The following CCDC6 variants were observed in gnomAD, a reference collection of about 807,000 sequenced individuals.
CCDC6 encodes coiled-coil domain containing 6.
A neutral mutation model predicts 56.6 loss-of-function variants in CCDC6; 20 were observed. That is an observed-to-expected ratio of 0.35 (90% CI 0.25 to 0.51). CCDC6 has a LOEUF of 0.51. Among genes scored for constraint, CCDC6 ranks in the 20% least tolerant of loss-of-function variants. CCDC6 has a pLI of 0.95. For missense variants in CCDC6, 367 were observed against 601.1 expected (o/e 0.61, Z 4.07); for synonymous variants, 241 against 234.4 (o/e 1.03, Z -0.26).
intron 2 of CCDC6, among the ~76,000 whole-genome samples, chr10:59,837,627 T>A (rs12247565): frequency 0.11 from 16,006 of 150,922 alleles, 1,796 homozygotes; most frequent in African/African-American, 0.28. Flanking sequence ...GTGCCTGTAG[T>A]CCCAGCTACT....
chr10:59,814,601 C>T, intron 4 of CCDC6, 51 bp downstream of exon 4: 1 of 377,488 alleles, frequency 2.6e-6, no homozygotes, highest in South Asian at 5.0e-5. Context: ...AGAGCAGCAA[C>T]ACACACACAC....
chr10:59,859,533 T>C (rs952333071), intron 1 of CCDC6, among the ~76,000 whole-genome samples: 3 of 152,220 alleles, frequency 2.0e-5, no homozygotes, highest in African/African-American at 7.2e-5. Flanking sequence ...TTTAGATTCA[T>C]CTTGGGTTTT....
chr10:59,828,950 T>C (rs1342903507), intron 3 of CCDC6, among the ~76,000 whole-genome samples: 1 of 152,204 alleles, frequency 6.6e-6, no homozygotes, highest in Non-Finnish European at 1.5e-5. Context: ...ATTATAATAC[T>C]GCAAAACACC....
intron 7 of CCDC6, 50 bp from the exon 8 acceptor site, chr10:59,794,647 G>GTCTTCAACTA: frequency 1.9e-6 from 3 of 1,558,464 alleles, no homozygotes; most frequent in Non-Finnish European, 2.6e-6. Flanking sequence ...ACTATCTGGT[G>GTCTTCAACTA]TCTTCAACTA....
chr10:59,792,690 G>C lies in CCDC6; in HGVS notation c.*227C>G. 1 of 756,942 alleles carries C rather than the reference G, an allele frequency of 1.3e-6. No individual in the cohort carries two copies. Among genetic ancestry groups the C allele is most frequent in the Middle Eastern group, 2.3e-4 (1 of 4,386 alleles). 46.9% of individuals were successfully genotyped at this position (756,942 alleles called of 1,614,324 possible). On this transcript the variant is annotated 3_prime_UTR_variant, in exon 9 of 9. Transcript: ENST00000263102. Reference sequence around the variant, plus strand: ...TTCCAGCCAGGGAATGGACGTACATGAAGATTCAAGTAAAACACTGATGGA... The same window carrying C: ...TTCCAGCCAGGGAATGGACGTACATCAAGATTCAAGTAAAACACTGATGGA...
rs2070477254 is a variant in CCDC6, at chr10:59,792,589, A to AGCCAG, written c.*323_*327dup. On this transcript the variant is annotated 3_prime_UTR_variant, in exon 9 of 9. Coordinates refer to ENST00000263102, the MANE Select transcript of CCDC6 (RefSeq NM_005436.5). Reference sequence around the variant, plus strand: ...TCCCTTTTTCTTTTACAAACCTAAAAGCCAGGAGAATGAAGCTCTGGGCCA... The same window carrying AGCCAG: ...TCCCTTTTTCTTTTACAAACCTAAAAGCCAGGCCAGGAGAATGAAGCTCTGGGCCA... 1 of 651,724 alleles carries AGCCAG rather than the reference A, an allele frequency of 1.5e-6. No individual in the cohort carries two copies. Among genetic ancestry groups the AGCCAG allele is most frequent in the African/African-American group, 1.7e-5 (1 of 57,376 alleles). The allele number at this position is 651,724 out of a possible 1,614,324, so 40.4% of individuals were successfully genotyped here.
chr10:59,810,162 TG>T (rs930493781), intron 5 of CCDC6, among the ~76,000 whole-genome samples: 56 of 152,294 alleles, frequency 3.7e-4, no homozygotes, highest in African/African-American at 1.3e-3. Context: ...CAGTCAAGCT[TG>T]GAGGGTGAGG....
Position 59,791,360 on chromosome 10 carries a change from C to CT in CCDC6, c.*1556dup, listed in dbSNP as rs34992845. On this transcript the variant is annotated 3_prime_UTR_variant, in exon 9 of 9. Coordinates refer to ENST00000263102, the MANE Select transcript of CCDC6 (RefSeq NM_005436.5). ...AGTCAAACACTATTATCCAACAAGACTTTTTTTTTTCATTCTGTTAACTCT... is the reference window on the plus strand; with the variant it reads ...AGTCAAACACTATTATCCAACAAGACTTTTTTTTTTTCATTCTGTTAACTCT... 1,129 of 190,454 alleles carry CT rather than the reference C, an allele frequency of 5.9e-3. 3 individuals are homozygous for CT. The highest frequency in any genetic ancestry group is 0.016 in the African/African-American group (678 of 42,772). The allele number at this position is 190,454 out of a possible 1,614,324, so 11.8% of individuals were successfully genotyped here.
At chr10:59,856,821 C>T (rs1205672324) in intron 1 of CCDC6, among the ~76,000 whole-genome samples, 2 of 152,126 alleles carry the variant, frequency 1.3e-5, no homozygotes, top group Non-Finnish European at 2.9e-5. Context: ...ATTTCCAAAG[C>T]AAAATAAGTG....
Position 59,793,066 on chromosome 10 carries a change from G to A in CCDC6, c.1276C>T (p.Pro426Ser), listed in dbSNP as rs201466964. The change falls in exon 9 of 9, where the codon CCC becomes TCC. Residue 426 changes from proline to serine, a missense_variant. This residue lies in a region of CCDC6 where 2 missense variants were observed against 16.4 expected (regional missense o/e 0.12). Transcript: ENST00000263102. ...RSNSPDKFKR[P>S]TPPPSPNTQT... ...GTGTTGGGAGATGGAGGCGGCGTGG[G>A]CCGTTTGAATTTGTCAGGACTGTTG... is the stretch of plus-strand genomic sequence containing the variant. 1 of 1,614,188 alleles carries A rather than the reference G, an allele frequency of 6.2e-7. No homozygotes were observed. The highest frequency in any genetic ancestry group is 8.5e-7 in the Non-Finnish European group (1 of 1,180,044).
rs2071550391 is a variant in CCDC6 at position 59,906,554 on chromosome 10, G to A, written c.-130C>T. The A allele has an allele frequency of 1.3e-6, 1 of 750,746 alleles. No homozygotes were observed. Among genetic ancestry groups the A allele is most frequent in the Non-Finnish European group, 2.0e-6 (1 of 502,792 alleles). The allele number at this position is 750,746 out of a possible 1,614,324, so 46.5% of individuals were successfully genotyped here. Reference sequence around the variant, plus strand: ...GCTGAGCGCCTGGCACCAGGGCGCAGACTCGGAGCGGCGGCGAGAGAAAGA... The same window carrying A: ...GCTGAGCGCCTGGCACCAGGGCGCAAACTCGGAGCGGCGGCGAGAGAAAGA... On this transcript the variant is annotated 5_prime_UTR_variant, in exon 1 of 9. Transcript: ENST00000263102.
intron 1 of CCDC6, among the ~76,000 whole-genome samples, chr10:59,869,859 C>T (rs991449542): frequency 6.6e-6 from 1 of 152,136 alleles, no homozygotes; most frequent in East Asian, 1.9e-4. Context: ...CCACGACACT[C>T]CAGCCACTCC....
rs761786555 is a variant in CCDC6, at chr10:59,806,906, T to TG, written c.1004+15_1004+16insC. Reference sequence around the variant, plus strand: ...ATTTTTTAAACAAAAACAAGGCTCATAAGACATGCACACACCTTTCGTCGT... The same window carrying TG: ...ATTTTTTAAACAAAAACAAGGCTCATGAAGACATGCACACACCTTTCGTCGT... On this transcript the variant is annotated intron_variant, in intron 6 of 8. Coordinates refer to ENST00000263102, the MANE Select transcript of CCDC6 (RefSeq NM_005436.5). The TG allele has an allele frequency of 1.2e-6, 2 of 1,605,886 alleles. No individual in the cohort carries two copies. Among genetic ancestry groups the TG allele is most frequent in the East Asian group, 4.5e-5 (2 of 44,826 alleles).
rs184923303 is a variant in CCDC6, at chr10:59,832,037, A to G, written c.582+488T>C. ...ATCAGTCAGTGGTTGACTCAAGGTG[A>G]GTTACCAAGTCTATGACTCCATATT... On this transcript the variant is annotated intron_variant, in intron 3 of 8. Coordinates refer to ENST00000263102, the MANE Select transcript of CCDC6 (RefSeq NM_005436.5). Among the ~76,000 whole-genome samples the G allele has an allele frequency of 3.8e-4, 58 of 152,352 alleles. 1 individual carries two copies. Among genetic ancestry groups the G allele is most frequent in the African/African-American group, 1.4e-3 (57 of 41,592 alleles).
chr10:59,830,270 A>C lies in CCDC6; in HGVS notation c.582+2255T>G, dbSNP rs375358262. 2.0e-5 allele frequency among the ~76,000 whole-genome samples: 3 copies of C among 152,210 alleles called. No homozygotes were observed. The East Asian group carries it at 5.8e-4, about 29-fold the overall frequency. On this transcript the variant is annotated intron_variant, in intron 3 of 8. Transcript: ENST00000263102. ...ATATAGAGTACAGGATATCCTTTAT[A>C]ATATAATATAGACTATAACATATAC...
intron 1 of CCDC6, among the ~76,000 whole-genome samples, chr10:59,876,729 T>C (rs1229796991): frequency 6.6e-6 from 1 of 152,146 alleles, no homozygotes; most frequent in African/African-American, 2.4e-5. Context: ...CAGCAATGTA[T>C]TAAAATTAAA....
chr10:59,884,351 C>T (rs940853329), intron 1 of CCDC6, among the ~76,000 whole-genome samples: 1 of 152,214 alleles, frequency 6.6e-6, no homozygotes, highest in Non-Finnish European at 1.5e-5. Context: ...AGATGACTTA[C>T]TGCTGCCCAA....
chr10:59,898,555 C>A (rs1306796336), intron 1 of CCDC6, among the ~76,000 whole-genome samples: 2 of 152,226 alleles, frequency 1.3e-5, no homozygotes, highest in Non-Finnish European at 2.9e-5. Flanking sequence ...TCCTTCTGCA[C>A]TGCACAATCC....
In CCDC6 at chr10:59,818,503, G is replaced by GC. The variant is rs201731690; in HGVS notation, c.583-3749_583-3748insG. 2.9e-5 allele frequency among the ~76,000 whole-genome samples: 4 copies of GC among 139,714 alleles called. 1 individual carries two copies. The highest frequency in any genetic ancestry group is 5.2e-5 in the African/African-American group (2 of 38,280). The allele number at this position is 139,714 out of a possible 152,430, so 91.7% of individuals were successfully genotyped here. ...TTTTATTATAATGTTGACGGGGGGG[G>GC]GGGAAGCAGATTCTCAGTGGGGCCT... is the stretch of plus-strand genomic sequence containing the variant. On this transcript the variant is annotated intron_variant, in intron 3 of 8. Coordinates refer to ENST00000263102, the MANE Select transcript of CCDC6 (RefSeq NM_005436.5).
Sources: gnomAD v4.1 joint callset for allele counts (sites outside exome capture counted in the v4.1 genomes callset) on GRCh38, gnomAD v4.1.1 for gene constraint, gnomAD v4.1.1 regional missense constraint, MANE v1.5 for transcripts, NCBI Gene and HGNC (gene_info 2026-07-23, HGNC 2026-07-21) for gene names.